Variants in OBI1 observed in about 807,000 individuals in gnomAD.
The protein encoded by OBI1 is ORC ubiquitin ligase 1, also known as ring finger protein 219.
In OBI1, 59 loss-of-function variants were observed where a neutral mutation model predicts 62.4. The ratio of observed to expected loss-of-function variants is 0.95; its 90% CI spans 0.77 to 1.17. The LOEUF is 1.17. Ranked by LOEUF, OBI1 falls within the 50% of genes most tolerant of loss-of-function variation. OBI1 has a pLI of 0.00. For missense variants in OBI1, 875 were observed against 830.9 expected (o/e 1.05, Z -0.65); for synonymous variants, 302 against 292.8 (o/e 1.03, Z -0.32).
At chr13:78,617,162 C>G in intron 5 of OBI1, 40 bp from the exon 6 acceptor site, 1 of 1,477,570 alleles carries the variant, frequency 6.8e-7, no homozygotes, top group Non-Finnish European at 9.1e-7. Context: ...ATAACTCAAG[C>G]TTTTTTCTTT....
intron 1 of OBI1, among the ~76,000 whole-genome samples, chr13:78,650,265 T>G (rs931505727): frequency 2.6e-5 from 4 of 152,076 alleles, no homozygotes; most frequent in Non-Finnish European, 4.4e-5. Flanking sequence ...CAAGCGGTAA[T>G]GATAACAGTG....
At chr13:78,636,203 C>T (rs1876025467) in intron 4 of OBI1, among the ~76,000 whole-genome samples, 1 of 152,104 alleles carries the variant, frequency 6.6e-6, no homozygotes, top group Non-Finnish European at 1.5e-5. Context: ...TCTAGAGGCT[C>T]AACACTGATT....
intron 1 of OBI1, among the ~76,000 whole-genome samples, chr13:78,646,684 C>G (rs1169587506): frequency 6.6e-6 from 1 of 152,052 alleles, no homozygotes; most frequent in Non-Finnish European, 1.5e-5. Flanking sequence ...AACCACTTTT[C>G]TCGGAGAAAA....
At chr13:78,647,955 C>T (rs1482661580) in intron 1 of OBI1, among the ~76,000 whole-genome samples, 1 of 151,264 alleles carries the variant, frequency 6.6e-6, no homozygotes, top group Admixed American at 6.6e-5. Flanking sequence ...TCTAAGCATT[C>T]ATTTCAACTG....
At chr13:78,654,493 T>C (rs1391574145) in intron 1 of OBI1, among the ~76,000 whole-genome samples, 1 of 152,210 alleles carries the variant, frequency 6.6e-6, no homozygotes, top group Non-Finnish European at 1.5e-5. Context: ...CGTGGATGAC[T>C]TGCTGATCAA....
At position 78,616,891 on chromosome 13, in the gene OBI1, C is replaced by T. The variant is rs751169966; in HGVS notation, c.870G>A (p.Val290=). ...TGGCACTATCGCCTTGATTCTTTGACACCACATCCTCCTCACTGCCTTTGC... is the reference window on the plus strand; with the variant it reads ...TGGCACTATCGCCTTGATTCTTTGATACCACATCCTCCTCACTGCCTTTGC... ...KGSKGSEEDV[V]SKNQGDSARK... Residue 290 remains valine, a synonymous_variant, in exon 6 of 6, where the codon GTG becomes GTA. Coordinates refer to ENST00000282003, the MANE Select transcript of OBI1 (RefSeq NM_024546.4). 4 of 1,614,048 alleles carry T rather than the reference C, an allele frequency of 2.5e-6. No homozygotes were observed. The highest frequency in any genetic ancestry group is 1.3e-5 in the African/African-American group (1 of 74,924).
chr13:78,634,958 A>C, intron 5 of OBI1, 152 bp downstream of exon 5: 1 of 506,848 alleles, frequency 2.0e-6, no homozygotes, highest in Non-Finnish European at 3.5e-6. Context: ...TTTACCAACA[A>C]CACGAAGTAT....
chr13:78,634,692 A>C (rs1001961711), intron 5 of OBI1, among the ~76,000 whole-genome samples: 2 of 152,234 alleles, frequency 1.3e-5, no homozygotes, highest in African/African-American at 4.8e-5. Flanking sequence ...AATAGAGAAT[A>C]ATAATAGTTC....
rs1218316289 is a variant in OBI1 at position 78,659,100 on chromosome 13, A to G, written c.21T>C (p.Asn7=). Residue 7 remains asparagine (N), a synonymous_variant, in exon 1 of 6, where the codon AAT becomes AAC. Transcript: ENST00000282003. The part of the protein sequence containing the change: MAQTVQ[N]VTLSLTLPIT... ...TGGGCAGAGTGAGCGACAATGTAAC[A>G]TTCTGCACGGTCTGAGCCATGGCAG... is the stretch of plus-strand genomic sequence containing the variant. The G allele has an allele frequency of 1.2e-6, 2 of 1,612,522 alleles. No individual in the cohort carries two copies. The highest frequency in any genetic ancestry group is 2.7e-5 in the African/African-American group (2 of 74,836).
At chr13:78,617,310 A>T (rs997162055) in intron 5 of OBI1, 188 bp from the exon 6 acceptor site, 1 of 477,176 alleles carries the variant, frequency 2.1e-6, no homozygotes, top group African/African-American at 2.0e-5. Context: ...AATAATAAAC[A>T]TATGATAATA....
rs949112498 is a variant in OBI1 at position 78,614,333 on chromosome 13, T to C, written c.*1247A>G. On this transcript the variant is annotated 3_prime_UTR_variant, in exon 6 of 6. Coordinates refer to ENST00000282003, the MANE Select transcript of OBI1 (RefSeq NM_024546.4). ...TTTATTCAATTCACATAGAAAAGCA[T>C]GCAGTATTAATGTAAAACAGTACAA... The C allele has an allele frequency of 6.6e-6, 1 of 152,632 alleles. No individual in the cohort carries two copies. Among genetic ancestry groups the C allele is most frequent in the African/African-American group, 2.4e-5 (1 of 41,448 alleles). 9.5% of individuals were successfully genotyped at this position (152,632 alleles called of 1,614,324 possible). A position where few individuals can be genotyped will look rare whatever the true frequency, so the allele number is the denominator to read the frequency against.
Position 78,657,114 on chromosome 13 carries a change from T to C in OBI1, c.72+1935A>G, listed in dbSNP as rs549998396. Among the ~76,000 whole-genome samples the C allele has an allele frequency of 3.3e-5, 5 of 152,280 alleles. No individual in the cohort carries two copies. The South Asian group carries it at 6.2e-4, about 19-fold the overall frequency. On this transcript the variant is annotated intron_variant, in intron 1 of 5. Transcript: ENST00000282003. ...CTTTTTGAGCCTGTTTCCTTATCTG[T>C]AACAGTAGAAATATGGTAATAACAT...
In OBI1 at chr13:78,634,170, T is replaced by C. The variant is rs544897526; in HGVS notation, c.638+940A>G. On this transcript the variant is annotated intron_variant, in intron 5 of 5. Coordinates refer to ENST00000282003, the MANE Select transcript of OBI1 (RefSeq NM_024546.4). ...AGGGAAAAATAAGTTTACTTAATTGTATAGTTTTAAATCAGCAAAAAATTC... is the reference window on the plus strand; with the variant it reads ...AGGGAAAAATAAGTTTACTTAATTGCATAGTTTTAAATCAGCAAAAAATTC... Among the ~76,000 whole-genome samples the C allele has an allele frequency of 3.8e-4, 58 of 151,632 alleles. 1 individual carries two copies. The highest frequency in any genetic ancestry group is 1.2e-3 in the African/African-American group (51 of 41,382).
intron 5 of OBI1, among the ~76,000 whole-genome samples, chr13:78,629,290 A>G (rs768493866): frequency 6.6e-6 from 1 of 152,160 alleles, no homozygotes; most frequent in Middle Eastern, 3.2e-3. Flanking sequence ...GACAGAACAC[A>G]TAACATTCCT....
At chr13:78,635,085 A>T in intron 5 of OBI1, 25 bp downstream of exon 5, 1 of 1,421,702 alleles carries the variant, frequency 7.0e-7, no homozygotes, top group South Asian at 1.2e-5. Context: ...AATCTGAAGC[A>T]TTGCTCTGGG....
chr13:78,632,967 C>G (rs1032298248), intron 5 of OBI1, among the ~76,000 whole-genome samples: 5 of 152,200 alleles, frequency 3.3e-5, no homozygotes, highest in African/African-American at 1.2e-4. Context: ...CAAGTTTCCT[C>G]AGGTGAGATT....
At chr13:78,617,160 AGC>A in intron 5 of OBI1, 38 bp from the exon 6 acceptor site, 1 of 1,482,814 alleles carries the variant, frequency 6.7e-7, no homozygotes, top group Non-Finnish European at 9.0e-7. Flanking sequence ...TTATAACTCA[AGC>A]TTTTTTCTTT....
chr13:78,615,530 C>T lies in OBI1; in HGVS notation c.*50G>A, dbSNP rs533377892. 9.4e-6 allele frequency: 13 copies of T among 1,387,698 alleles called. No individual in the cohort carries two copies. In the South Asian group the frequency reaches 1.4e-4, roughly 15 times the overall value. 86.0% of individuals were successfully genotyped at this position (1,387,698 alleles called of 1,614,324 possible). A position where few individuals can be genotyped will look rare whatever the true frequency, so the allele number is the denominator to read the frequency against. On this transcript the variant is annotated 3_prime_UTR_variant, in exon 6 of 6. Coordinates refer to ENST00000282003, the MANE Select transcript of OBI1 (RefSeq NM_024546.4). ...TGAGGAAAAAAGGTAACTTTAACAA[C>T]TTTTCTATTTCTCTCAGGACAAAAC...
chr13:78,621,811 A>T (rs181026183), intron 5 of OBI1, among the ~76,000 whole-genome samples: 2 of 152,356 alleles, frequency 1.3e-5, no homozygotes, highest in East Asian at 3.9e-4. Flanking sequence ...AGCAATGTGG[A>T]GCTCTTTCAC....
Sources: allele counts gnomAD v4.1 joint callset (sites outside exome capture counted in the v4.1 genomes callset), GRCh38; gene constraint gnomAD v4.1.1; transcripts MANE v1.5; gene names NCBI Gene and HGNC (gene_info 2026-07-23, HGNC 2026-07-21).